Variants in MACF1 observed in about 807,000 individuals in gnomAD.
MACF1 encodes the protein microtubule-actin cross-linking factor 1.
MACF1 carries 193 observed loss-of-function variants against 854.8 expected under a neutral mutation model. The observed-to-expected ratio is 0.23, with a 90% CI of 0.20 to 0.25. MACF1 has a LOEUF of 0.25. Among genes scored for constraint, MACF1 ranks in the 10% least tolerant of loss-of-function variants. MACF1 has a pLI of 1.00. For missense variants in MACF1, 7,722 were observed against 8,929.1 expected, an observed-to-expected ratio of 0.86 and a Z score of 5.45; for synonymous variants, 3,185 against 3,226.7, an observed-to-expected ratio of 0.99 and a Z score of 0.44.
intron 84 of MACF1, 109 bp from the exon 85 acceptor site, chr1:39,450,943 G>A: frequency 4.9e-6 from 6 of 1,227,782 alleles, no homozygotes; most frequent in Non-Finnish European, 5.8e-6. Flanking sequence ...TAACATAGAA[G>A]TCACTCTCTA....
intron 2 of MACF1, among the ~76,000 whole-genome samples, chr1:39,165,601 C>T (rs999091827): frequency 1.3e-5 from 2 of 152,128 alleles, no homozygotes; most frequent in African/African-American, 4.8e-5. Context: ...ACCATTTTCC[C>T]CTCATCCTTG....
At chr1:39,327,520 A>G (rs1358933322) in intron 36 of MACF1, among the ~76,000 whole-genome samples, 167 bp downstream of exon 36, 2 of 152,214 alleles carry the variant, frequency 1.3e-5, no homozygotes, top group African/African-American at 2.4e-5. Context: ...CTGGGGTTCC[A>G]TGATGTGTTG....
At chr1:39,462,109 C>A in intron 93 of MACF1, 72 bp downstream of exon 93, 1 of 1,456,670 alleles carries the variant, frequency 6.9e-7, no homozygotes. Context: ...TGGTTGGGTT[C>A]AGTGATCATA....
upstream of MACF1, among the ~76,000 whole-genome samples, chr1:39,200,556 G>A (rs113136042): frequency 3.0e-4 from 46 of 151,672 alleles, 1 homozygote; most frequent in East Asian, 3.9e-4. Context: ...AAAATTAGCC[G>A]GGCGTGGTGG....
At chr1:39,314,078 G>A (rs1646357327) in intron 26 of MACF1, among the ~76,000 whole-genome samples, 1 of 152,158 alleles carries the variant, frequency 6.6e-6, no homozygotes, top group Non-Finnish European at 1.5e-5. Flanking sequence ...ATTGTTGTTG[G>A]AGTATTATTG....
chr1:39,272,622 G>C (rs1183753295), intron 6 of MACF1, among the ~76,000 whole-genome samples: 1 of 152,218 alleles, frequency 6.6e-6, no homozygotes, highest in Non-Finnish European at 1.5e-5. Context: ...TCCAGGGCTT[G>C]TTGATGAGAG....
chr1:39,160,894 T>C (rs1643785239), intron 2 of MACF1, among the ~76,000 whole-genome samples: 1 of 152,242 alleles, frequency 6.6e-6, no homozygotes, highest in Admixed American at 6.5e-5. Context: ...CCAGAAGGGC[T>C]GATGGAAAGA....
intron 6 of MACF1, among the ~76,000 whole-genome samples, chr1:39,280,782 C>T (rs1169936375): frequency 5.3e-5 from 8 of 151,744 alleles, no homozygotes; most frequent in East Asian, 1.9e-4. Flanking sequence ...TTCACCATGT[C>T]GGCCAGGCTG....
chr1:39,178,287 G>C (rs527494715), intron 2 of MACF1, among the ~76,000 whole-genome samples: 1 of 149,232 alleles, frequency 6.7e-6, no homozygotes, highest in African/African-American at 2.5e-5. Context: ...GTTTTCATTC[G>C]TTTATGTACT....
chr1:39,203,529 T>C (rs552317579), upstream of MACF1, among the ~76,000 whole-genome samples: 18 of 152,338 alleles, frequency 1.2e-4, 1 homozygote, highest in South Asian at 3.3e-3. Context: ...TGGACAAATG[T>C]ATACAGTCAT....
At position 39,429,280 on chromosome 1, in the gene MACF1, A is replaced by G. The variant is rs145899698; in HGVS notation, c.16842A>G (p.Val5614=). ...AAATTGTTAATAGAAAGAAGAATGT[A>G]GATCAAGCTATTAAAAATGGTCAGG... ...NEEIVNRKKN[V]DQAIKNGQAL... The change falls in exon 64 of 101, where the codon GTA becomes GTG. Residue 5614 remains valine (V), a synonymous_variant. Coordinates refer to ENST00000564288, the MANE Select transcript of MACF1 (RefSeq NM_001394062.1). 59 of 1,586,522 alleles carry G rather than the reference A, an allele frequency of 3.7e-5. No individual in the cohort carries two copies. Among genetic ancestry groups the G allele is most frequent in the Non-Finnish European group, 5.1e-5 (59 of 1,155,436 alleles).
At chr1:39,466,168 A>T (rs1315533825) in intron 95 of MACF1, among the ~76,000 whole-genome samples, 1 of 152,196 alleles carries the variant, frequency 6.6e-6, no homozygotes, top group Admixed American at 6.5e-5. Context: ...CAAGAACCCA[A>T]GTCTCTGTAA....
At chr1:39,251,979 C>G (rs1645044726) in intron 4 of MACF1, 38 bp downstream of exon 4, 1 of 1,389,018 alleles carries the variant, frequency 7.2e-7, no homozygotes, top group East Asian at 2.8e-5. Flanking sequence ...CCAGCTGGCA[C>G]TGCTGGCACT....
intron 2 of MACF1, among the ~76,000 whole-genome samples, chr1:39,169,410 A>T (rs563998045): frequency 1.3e-5 from 2 of 152,180 alleles, no homozygotes; most frequent in Non-Finnish European, 2.9e-5. Context: ...AGGCTAGGCA[A>T]CATAGGGAAA....
At chr1:39,268,944 A>C in intron 6 of MACF1, 5 of 1,286,150 alleles carry the variant, frequency 3.9e-6, no homozygotes, top group African/African-American at 1.5e-5. Flanking sequence ...GGTAGAGCAT[A>C]CCCCCCCAGA....
intron 2 of MACF1, among the ~76,000 whole-genome samples, chr1:39,117,533 G>GGGGT (rs148072591): frequency 2.7e-5 from 4 of 147,618 alleles, no homozygotes; most frequent in African/African-American, 1.0e-4. Flanking sequence ...ACCTGCAAGA[G>GGGGT]GTGTGTGTGT....
intron 31 of MACF1, among the ~76,000 whole-genome samples, chr1:39,320,947 A>G (rs773092287): frequency 6.6e-6 from 1 of 152,222 alleles, no homozygotes; most frequent in Non-Finnish European, 1.5e-5. Context: ...CAACCTGGGC[A>G]ACAGAGAAAG....
intron 2 of MACF1, among the ~76,000 whole-genome samples, chr1:39,174,430 A>G (rs564623896): frequency 7.2e-5 from 11 of 152,172 alleles, no homozygotes; most frequent in Non-Finnish European, 1.2e-4. Context: ...GTGTAGCTTT[A>G]TTTTTTCGAT....
chr1:39,292,082 G>A, intron 16 of MACF1, 44 bp downstream of exon 16: 1 of 1,607,508 alleles, frequency 6.2e-7, no homozygotes, highest in East Asian at 2.2e-5. Flanking sequence ...GACGTGGTTG[G>A]AACGGATGAA....
Sources: gnomAD v4.1 joint callset for allele counts (sites outside exome capture counted in the v4.1 genomes callset) on GRCh38, gnomAD v4.1.1 for gene constraint, MANE v1.5 for transcripts, NCBI Gene and HGNC (gene_info 2026-07-23, HGNC 2026-07-21) for gene names.